Variants in NF1 observed in about 807,000 individuals in gnomAD.
The protein encoded by NF1 is neurofibromin.
Under a neutral mutation model 325.7 loss-of-function variants are expected in NF1, and 122 were observed. The observed-to-expected ratio is 0.37, with a 90% CI of 0.32 to 0.44. The LOEUF (loss-of-function observed/expected upper bound fraction) is 0.44, where lower values mean the gene tolerates loss of function less well. Among genes scored for constraint, NF1 ranks in the 20% least tolerant of loss-of-function variants. NF1 has a pLI of 1.00. For missense variants in NF1, 2,140 were observed against 3,415.4 expected (o/e 0.63, Z 9.31); for synonymous variants, 1,091 against 1,186.0 (o/e 0.92, Z 1.65).
chr17:31,252,963 A>C lies in NF1; in HGVS notation c.4136A>C (p.Lys1379Thr). The C allele has an allele frequency of 6.2e-7, 1 of 1,613,644 alleles. No homozygotes were observed. Among genetic ancestry groups the C allele is most frequent in the Non-Finnish European group, 8.5e-7 (1 of 1,179,780 alleles). ...GCAACTTGCCACTCCCTACTGAATA[A>C]AGCTACAGTAAAAGAAAAAAAGGAA... is the stretch of plus-strand genomic sequence containing the variant. ...YQATCHSLLN[K>T]ATVKEKKENK... Residue 1379 changes from lysine (K) to threonine (T), a missense_variant, in exon 31 of 58, where the codon AAA becomes ACA. Coordinates refer to ENST00000358273, the MANE Select transcript of NF1 (RefSeq NM_001042492.3).
rs2066519692 is a variant in NF1, at chr17:31,201,079, C to G, written c.1105C>G (p.Gln369Glu). ...AAGTAAGCCATTCTCAAGAGGCAGT[C>G]AGCCTGCAGATGTGGATCTAATGAT... is the stretch of plus-strand genomic sequence containing the variant. ...NPSKPFSRGS[Q>E]PADVDLMIDC... is the part of the protein sequence containing the mutation. The change falls in exon 10 of 58, where the codon CAG (glutamine) becomes GAG (glutamate). Residue 369 changes from glutamine to glutamate, a missense_variant. Physicochemically the swap from Gln to Glu is conservative, Grantham distance 29 (BLOSUM62 2). Around this residue, in one of 10 missense-constraint regions of NF1, gnomAD observed 179 missense variants for 381.0 expected, o/e 0.47. Transcript: ENST00000358273. 1 of 1,613,936 alleles carries G rather than the reference C, an allele frequency of 6.2e-7. No homozygotes were observed. The highest frequency in any genetic ancestry group is 8.5e-7 in the Non-Finnish European group (1 of 1,180,016).
At chr17:31,315,679 T>A (rs2069002817) in intron 36 of NF1, among the ~76,000 whole-genome samples, 1 of 152,200 alleles carries the variant, frequency 6.6e-6, no homozygotes, top group South Asian at 2.1e-4. Context: ...ATTCCTAATT[T>A]ATAAGCTTAT....
Position 31,232,675 on chromosome 17 carries a change from A to G in NF1, c.3315-25A>G. The G allele has an allele frequency of 2.5e-6, 4 of 1,597,120 alleles. No individual in the cohort carries two copies. Among genetic ancestry groups the G allele is most frequent in the Non-Finnish European group, 3.4e-6 (4 of 1,165,344 alleles). On this transcript the variant is annotated intron_variant, in intron 25 of 57. Transcript: ENST00000358273. The stretch of plus-strand genomic sequence containing the variant: ...CTAGTTGATACGGCCTTCACTATGT[A>G]AAGGTCAGTCTTTTTATTTCTCAGA...
Position 31,350,295 on chromosome 17 carries a change from T to C in NF1, c.7434T>C (p.Ile2478=), listed in dbSNP as rs567124264. The change falls in exon 50 of 58, where the codon ATT becomes ATC. Residue 2478 remains isoleucine (I), a synonymous_variant. Transcript: ENST00000358273. The part of the protein sequence containing the change: ...MENVPMDTYP[I]HHGDPSYRTL... The stretch of plus-strand genomic sequence containing the variant: ...ATGTTCCTATGGATACATATCCCAT[T>C]CATCATGGTGACCCTTCCTATAGGT... The C allele has an allele frequency of 6.2e-7, 1 of 1,612,880 alleles. No homozygotes were observed. Among genetic ancestry groups the C allele is most frequent in the Non-Finnish European group, 8.5e-7 (1 of 1,179,026 alleles).
At chr17:31,099,403 A>G (rs1912092103) in intron 1 of NF1, among the ~76,000 whole-genome samples, 1 of 152,174 alleles carries the variant, frequency 6.6e-6, no homozygotes. Flanking sequence ...CAATTTTAGA[A>G]GTAATCACCT....
intron 36 of NF1, among the ~76,000 whole-genome samples, chr17:31,288,238 C>T (rs1008792212): frequency 6.6e-6 from 1 of 151,990 alleles, no homozygotes; most frequent in African/African-American, 2.4e-5. Context: ...TCACCTGGCT[C>T]TTAAATATGT....
Position 31,095,218 on chromosome 17 carries a change from T to A in NF1, c.-92T>A, listed in dbSNP as rs1234273941. On this transcript the variant is annotated 5_prime_UTR_variant, in exon 1 of 58. Transcript: ENST00000358273. Reference sequence around the variant, plus strand: ...ACTCCACAGACCCTCTCCTTGCCTCTTCCCTCACCTCAGCCTCCGCTCCCC... The same window carrying A: ...ACTCCACAGACCCTCTCCTTGCCTCATCCCTCACCTCAGCCTCCGCTCCCC... The A allele has an allele frequency of 2.4e-6, 3 of 1,227,748 alleles. No homozygotes were observed. The South Asian group carries it at 3.9e-5, about 16-fold the overall frequency. 76.1% of individuals were successfully genotyped at this position (1,227,748 alleles called of 1,614,324 possible).
chr17:31,368,795 C>T (rs2070580181), intron 57 of NF1, among the ~76,000 whole-genome samples: 1 of 152,128 alleles, frequency 6.6e-6, no homozygotes, highest in Non-Finnish European at 1.5e-5. Context: ...TGCTGTTATC[C>T]TTAATTGCCA....
At chr17:31,192,416 T>C (rs1404613135) in intron 8 of NF1, among the ~76,000 whole-genome samples, 1 of 152,210 alleles carries the variant, frequency 6.6e-6, no homozygotes, top group Non-Finnish European at 1.5e-5. Context: ...TTCCAGGCCA[T>C]AAGTAAATTT....
chr17:31,119,167 T>C (rs1914217155), intron 1 of NF1, among the ~76,000 whole-genome samples: 2 of 152,086 alleles, frequency 1.3e-5, no homozygotes, highest in Admixed American at 6.6e-5. Context: ...GGTCTTGATC[T>C]CTTGACCTTG....
intron 36 of NF1, among the ~76,000 whole-genome samples, chr17:31,306,739 C>T (rs1008315447): frequency 3.4e-4 from 51 of 151,450 alleles, no homozygotes; most frequent in African/African-American, 1.1e-3. Context: ...CTGCTGCTTT[C>T]ATTCATCTAT....
At chr17:31,340,693 T>C in intron 47 of NF1, 48 bp downstream of exon 47, 1 of 1,577,692 alleles carries the variant, frequency 6.3e-7, no homozygotes. Context: ...AATTTAGTAC[T>C]CTTCCATCTT....
At chr17:31,272,269 A>C (rs1239667340) in intron 36 of NF1, 1 of 152,246 alleles carries the variant, frequency 6.6e-6, no homozygotes, top group Non-Finnish European at 1.5e-5. Context: ...ACAAAACAGC[A>C]AAAATATTAC....
intron 12 of NF1, among the ~76,000 whole-genome samples, chr17:31,208,818 G>A (rs1218774616): frequency 6.6e-6 from 1 of 152,068 alleles, no homozygotes; most frequent in Non-Finnish European, 1.5e-5. Context: ...TTGAACCTGG[G>A]AGGCAGAGGT....
chr17:31,223,010 C>T (rs570008944), intron 15 of NF1, among the ~76,000 whole-genome samples: 6 of 152,260 alleles, frequency 3.9e-5, no homozygotes, highest in Non-Finnish European at 7.4e-5. Context: ...TGTGAATGAA[C>T]GGGCATGGCT....
chr17:31,231,028 G>C, intron 24 of NF1, 103 bp downstream of exon 24: 1 of 905,500 alleles, frequency 1.1e-6, no homozygotes, highest in Non-Finnish European at 1.7e-6. Flanking sequence ...TTAAACTTTT[G>C]AGATGTCAAA....
chr17:31,285,277 T>A (rs1184409135), intron 36 of NF1, among the ~76,000 whole-genome samples: 20 of 120,870 alleles, frequency 1.7e-4, no homozygotes, highest in Admixed American at 4.3e-4. Flanking sequence ...AGATTCTGTT[T>A]AAAAAAAAAA....
In NF1 at chr17:31,247,096, T is replaced by C. The variant is rs535733606; in HGVS notation, c.3975-1888T>C. ...CTGTAGTCCCATCTACTTGGGAGGC[T>C]GAGGCAGGAGAATTGCTTGAACCTG... is the stretch of plus-strand genomic sequence containing the variant. On this transcript the variant is annotated intron_variant, in intron 29 of 57. Coordinates refer to ENST00000358273, the MANE Select transcript of NF1 (RefSeq NM_001042492.3). Among the ~76,000 whole-genome samples, 16 of 150,700 alleles carry C rather than the reference T, an allele frequency of 1.1e-4. No individual in the cohort carries two copies. In the East Asian group the frequency reaches 2.4e-3, roughly 22 times the overall value.
At chr17:31,192,150 A>G (rs764925059) in intron 8 of NF1, among the ~76,000 whole-genome samples, 10 of 152,204 alleles carry the variant, frequency 6.6e-5, no homozygotes, top group Non-Finnish European at 1.0e-4. Flanking sequence ...TATTTTGCTC[A>G]TCTTTTGAGA....
Sources: allele counts gnomAD v4.1 joint callset (sites outside exome capture counted in the v4.1 genomes callset), GRCh38; gene constraint gnomAD v4.1.1; regional missense constraint gnomAD v4.1.1; transcripts MANE v1.5; gene names NCBI Gene and HGNC (gene_info 2026-07-23, HGNC 2026-07-21).